The following DIPK2B variants were observed in gnomAD, a reference collection of about 807,000 sequenced individuals.
The protein encoded by DIPK2B is divergent protein kinase domain 2B.
A neutral mutation model predicts 22.2 loss-of-function variants in DIPK2B; 15 were observed. The observed-to-expected ratio is 0.68, with a 90% CI of 0.45 to 1.04. DIPK2B has a LOEUF of 1.04. DIPK2B is among the 50% of genes least tolerant of loss of function. DIPK2B has a pLI of 0.00. For missense variants in DIPK2B, 345 were observed against 348.3 expected (o/e 0.99, Z 0.08); for synonymous variants, 163 against 153.2 (o/e 1.06, Z -0.47).
intron 2 of DIPK2B, among the ~76,000 whole-genome samples, chrX:45,179,560 A>T (rs2047137531): frequency 9.0e-6 from 1 of 111,565 alleles, no homozygotes; most frequent in South Asian, 3.7e-4. Context: ...AATTTCAAGA[A>T]AGTTGGAATC....
chrX:45,186,343 C>G (rs1272504492), intron 2 of DIPK2B, among the ~76,000 whole-genome samples: 1 of 111,090 alleles, frequency 9.0e-6, no homozygotes, highest in African/African-American at 3.3e-5. Context: ...GGAACGGGGT[C>G]TCATGATTTC....
intron 3 of DIPK2B, among the ~76,000 whole-genome samples, chrX:45,154,566 G>T (rs2046982837): frequency 9.0e-6 from 1 of 110,822 alleles, no homozygotes; most frequent in African/African-American, 3.3e-5. Context: ...GGAAGATTCA[G>T]AAAAGGAGGC....
At chrX:45,189,573 A>G (rs1342369337) in intron 2 of DIPK2B, among the ~76,000 whole-genome samples, 1 of 111,278 alleles carries the variant, frequency 9.0e-6, no homozygotes, top group Non-Finnish European at 1.9e-5. Context: ...AGATGGCGCC[A>G]CTGCACTCCA....
rs778172855 is a variant in DIPK2B, at chrX:45,152,668, C to G, written c.962-676G>C. The stretch of plus-strand genomic sequence containing the variant: ...AGTGAGGGCCGGACATGGCAGCTCA[C>G]ACCTGTAATCCCAGCCCTTTGGGAG... On this transcript the variant is annotated intron_variant, in intron 4 of 4. Transcript: ENST00000398000. Among the ~76,000 whole-genome samples the G allele has an allele frequency of 1.3e-4, 15 of 112,057 alleles. No individual in the cohort carries two copies. In the South Asian group the frequency reaches 5.6e-3, roughly 42 times the overall value.
At chrX:45,173,430 G>A (rs938784175) in intron 2 of DIPK2B, among the ~76,000 whole-genome samples, 1 of 110,528 alleles carries the variant, frequency 9.0e-6, no homozygotes, top group Non-Finnish European at 1.9e-5. Context: ...TGGAGGAGCC[G>A]GTGATGCATT....
At chrX:45,170,222 C>CA (rs752061934) in intron 2 of DIPK2B, among the ~76,000 whole-genome samples, 47 of 84,983 alleles carry the variant, frequency 5.5e-4, no homozygotes, top group African/African-American at 2.1e-3. Context: ...CCAGCCTGGG[C>CA]AACAGAGCAA....
At chrX:45,164,214 C>T (rs772516195) in intron 2 of DIPK2B, 1 of 1,202,180 alleles carries the variant, frequency 8.3e-7, no homozygotes, top group East Asian at 3.0e-5. Context: ...TCAGCATACA[C>T]AGGAACTTTA....
At chrX:45,191,727 C>T (rs1306165223) in intron 2 of DIPK2B, 24 bp downstream of exon 2, 2 of 1,199,531 alleles carry the variant, frequency 1.7e-6, no homozygotes, top group East Asian at 3.0e-5. Flanking sequence ...CTTCACACCC[C>T]CTTCCCATGG....
intron 2 of DIPK2B, among the ~76,000 whole-genome samples, chrX:45,173,446 G>A (rs2047095809): frequency 9.1e-6 from 1 of 109,920 alleles, no homozygotes; most frequent in African/African-American, 3.3e-5. Flanking sequence ...GCATTCTCTG[G>A]GTACCTGAGA....
At chrX:45,181,942 C>T (rs925936339) in intron 2 of DIPK2B, among the ~76,000 whole-genome samples, 7 of 110,513 alleles carry the variant, frequency 6.3e-5, no homozygotes, top group Admixed American at 9.7e-5. Flanking sequence ...TAGCTGAGCA[C>T]GGTGTACACC....
intron 3 of DIPK2B, among the ~76,000 whole-genome samples, chrX:45,155,959 CTCTTTTTTTTTTTTT>C (rs1473267506): frequency 1.6e-5 from 1 of 63,832 alleles, no homozygotes; most frequent in Non-Finnish European, 2.9e-5. Flanking sequence ...TAAAGGGGAC[CTCTTTTTTTTTTTTT>C]TTTTTTTTTT....
chrX:45,187,144 T>C (rs1357403942), intron 2 of DIPK2B, among the ~76,000 whole-genome samples: 4 of 112,096 alleles, frequency 3.6e-5, no homozygotes, highest in African/African-American at 9.7e-5. Flanking sequence ...AGGAACACAC[T>C]GCTTAGAACA....
At chrX:45,162,234 C>T (rs911388034) in intron 2 of DIPK2B, 1 of 266,103 alleles carries the variant, frequency 3.8e-6, no homozygotes, top group Non-Finnish European at 5.1e-6. Flanking sequence ...CAGCTGATGC[C>T]ATGTGGAGCT....
chrX:45,174,399 T>G (rs1429302300), intron 2 of DIPK2B, among the ~76,000 whole-genome samples: 1 of 111,632 alleles, frequency 9.0e-6, no homozygotes, highest in Admixed American at 9.5e-5. Flanking sequence ...CCAAAGAAAC[T>G]GGTACCCTTG....
intron 2 of DIPK2B, chrX:45,191,328 C>T (rs1243726600): frequency 8.0e-6 from 1 of 124,850 alleles, no homozygotes; most frequent in Non-Finnish European, 1.6e-5. Flanking sequence ...AAAGTTGTCT[C>T]TCTGTATTTT....
intron 2 of DIPK2B, among the ~76,000 whole-genome samples, chrX:45,180,792 A>G (rs73477187): frequency 0.024 from 2,653 of 111,940 alleles, 82 homozygotes; most frequent in African/African-American, 0.078. Flanking sequence ...TTTCCTATTC[A>G]TACATACTTA....
rs757375184 is a variant in DIPK2B at position 45,155,961 on chromosome X, C to CTTTTTTTTTTTTTTTTTTTT, written c.672+1734_672+1753dup. On this transcript the variant is annotated intron_variant, in intron 3 of 4. Coordinates refer to ENST00000398000, the MANE Select transcript of DIPK2B (RefSeq NM_176819.4). ...AGTTTCCCCTGCCTAAAGGGGACCT[C>CTTTTTTTTTTTTTTTTTTTT]TTTTTTTTTTTTTTTTTTTTTTTTA... 2.5e-4 allele frequency among the ~76,000 whole-genome samples: 14 copies of CTTTTTTTTTTTTTTTTTTTT among 55,257 alleles called. 1 individual carries two copies. Among genetic ancestry groups the CTTTTTTTTTTTTTTTTTTTT allele is most frequent in the African/African-American group, 9.4e-4 (13 of 13,760 alleles). The allele number at this position is 55,257 out of a possible 115,157, so 48.0% of individuals were successfully genotyped here.
chrX:45,164,819 C>T (rs1254902379), intron 2 of DIPK2B, among the ~76,000 whole-genome samples: 1 of 111,746 alleles, frequency 8.9e-6, no homozygotes, highest in Admixed American at 9.5e-5. Flanking sequence ...TGCCTGTAGT[C>T]CCAGCTACTC....
chrX:45,194,683 A>G (rs759976691), intron 1 of DIPK2B, among the ~76,000 whole-genome samples: 30 of 112,295 alleles, frequency 2.7e-4, no homozygotes, highest in Non-Finnish European at 4.7e-4. Flanking sequence ...CTTGAAGATT[A>G]TTTTGTCCCT....
Sources: allele counts gnomAD v4.1 joint callset (sites outside exome capture counted in the v4.1 genomes callset), GRCh38; gene constraint gnomAD v4.1.1; transcripts MANE v1.5; gene names NCBI Gene and HGNC (gene_info 2026-07-23, HGNC 2026-07-21).